AP3D1: variants seen among roughly 807,000 people sequenced by gnomAD.
AP3D1 encodes the protein AP-3 complex subunit delta-1.
A neutral mutation model predicts 147.6 loss-of-function variants in AP3D1; 51 were observed. The ratio of observed to expected loss-of-function variants is 0.35; its 90% confidence interval spans 0.28 to 0.44. AP3D1 has a LOEUF of 0.44. AP3D1 is among the 20% of genes least tolerant of loss of function. The pLI, the probability that AP3D1 is intolerant of heterozygous loss-of-function variation, is 1.00. For synonymous variants in AP3D1, 760 were observed against 663.0 expected, an observed-to-expected ratio of 1.15 and a Z score of -2.25; for missense variants, 1,421 against 1,624.2, an observed-to-expected ratio of 0.87 and a Z score of 2.15.
intron 1 of AP3D1, among the ~76,000 whole-genome samples, chr19:2,162,204 T>A (rs888938751): frequency 1.3e-5 from 2 of 150,472 alleles, no homozygotes; most frequent in African/African-American, 4.9e-5. Flanking sequence ...GCCCGGCTAA[T>A]TTTTTGTATT....
At chr19:2,131,737 CCCA>C (rs2018954555) in intron 5 of AP3D1, among the ~76,000 whole-genome samples, 1 of 126,788 alleles carries the variant, frequency 7.9e-6, no homozygotes, top group Non-Finnish European at 1.6e-5. Flanking sequence ...GGGGACCGCG[CCCA>C]TCGGCCACGA....
rs754831110 is a variant in AP3D1, at chr19:2,118,835, G to A, written c.1482-3C>T. ...TGTGGTGTGGTTCCTGCAGATGCCT[G>A]AGGACAGGAAACACTGTGAGCCCCC... On this transcript the variant is annotated splice_region_variant and splice_polypyrimidine_tract_variant and intron_variant, in intron 14 of 31. Coordinates refer to ENST00000643116, the MANE Select transcript of AP3D1 (RefSeq NM_001261826.3). 1.6e-5 allele frequency: 25 copies of A among 1,612,134 alleles called. No individual in the cohort carries two copies. The highest frequency in any genetic ancestry group is 1.6e-4 in the Middle Eastern group (1 of 6,082).
Position 2,102,321 on chromosome 19 carries a change from C to T in AP3D1, c.3553-53G>A, listed in dbSNP as rs375277002. 408 of 1,497,556 alleles carry T rather than the reference C, an allele frequency of 2.7e-4. 1 individual carries two copies. In the African/African-American group the frequency reaches 4.8e-3, roughly 18 times the overall value. 92.8% of individuals were successfully genotyped at this position (1,497,556 alleles called of 1,614,324 possible). On this transcript the variant is annotated intron_variant, in intron 31 of 31. Transcript: ENST00000643116. ...TAAAAGTGTGTGCAGGGGCTAGGCA[C>T]GGTGGCTCAAGTCTGTGATCCCAGC...
intron 1 of AP3D1, among the ~76,000 whole-genome samples, chr19:2,141,172 T>C (rs1053713186): frequency 7.9e-5 from 12 of 152,152 alleles, no homozygotes; most frequent in Admixed American, 2.0e-4. Flanking sequence ...CTATACATCA[T>C]TGACACTTTC....
intron 9 of AP3D1, among the ~76,000 whole-genome samples, chr19:2,125,721 G>C (rs2018735839): frequency 6.6e-6 from 1 of 152,118 alleles, no homozygotes; most frequent in South Asian, 2.1e-4. Flanking sequence ...CAGAAATGTA[G>C]GCCGGGCGCG....
chr19:2,129,536 G>A lies in AP3D1; in HGVS notation c.593-79C>T, dbSNP rs2018877050. 2.1e-5 allele frequency: 32 copies of A among 1,508,586 alleles called. No homozygotes were observed. The South Asian group carries it at 3.9e-4, about 18-fold the overall frequency. 93.5% of individuals were successfully genotyped at this position (1,508,586 alleles called of 1,614,324 possible). On this transcript the variant is annotated intron_variant, in intron 6 of 31. Transcript: ENST00000643116. ...TCCTACTGTCTTCCTGGCCCGCGAGGAAGTTCTGGGGCCTGCAGCAGCTCC... is the reference window on the plus strand; with the variant it reads ...TCCTACTGTCTTCCTGGCCCGCGAGAAAGTTCTGGGGCCTGCAGCAGCTCC...
upstream of AP3D1, among the ~76,000 whole-genome samples, chr19:2,153,386 G>T (rs1307940339): frequency 6.8e-6 from 1 of 147,724 alleles, no homozygotes; most frequent in Non-Finnish European, 1.5e-5. Flanking sequence ...AAAAGAAGTG[G>T]GGGGGGGGAC....
At chr19:2,110,631 G>A in intron 27 of AP3D1, 76 bp downstream of exon 27, 2 of 1,417,894 alleles carry the variant, frequency 1.4e-6, no homozygotes, top group Non-Finnish European at 1.9e-6. Context: ...ACAAGAACCA[G>A]CGGATCCGGG....
intron 14 of AP3D1, among the ~76,000 whole-genome samples, 190 bp downstream of exon 14, chr19:2,120,671 CT>C (rs761480548): frequency 5.9e-5 from 9 of 152,324 alleles, no homozygotes; most frequent in Non-Finnish European, 1.0e-4. Context: ...GCAGCACAGA[CT>C]CGCCTCTGTA....
chr19:2,111,663 C>G lies in AP3D1; in HGVS notation c.2937+16G>C. ...GGAACCCCGGCGTGGGGCGGGGGCG[C>G]TGAAGTACCCCTCACCGGGAGCTGC... On this transcript the variant is annotated intron_variant, in intron 25 of 31. Transcript: ENST00000643116. 6.3e-7 allele frequency: 1 copy of G among 1,575,268 alleles called. No individual in the cohort carries two copies. Among genetic ancestry groups the G allele is most frequent in the Non-Finnish European group, 8.6e-7 (1 of 1,164,570 alleles).
At chr19:2,112,718 C>T (rs1378659499) in intron 24 of AP3D1, 142 bp downstream of exon 24, 1 of 590,318 alleles carries the variant, frequency 1.7e-6, no homozygotes, top group African/African-American at 1.9e-5. Context: ...ACAACCACAA[C>T]AAAAGGCCCG....
intron 8 of AP3D1, among the ~76,000 whole-genome samples, chr19:2,128,631 G>A (rs28658190): frequency 3.7e-3 from 19 of 5,202 alleles, no homozygotes; most frequent in East Asian, 5.3e-3. Flanking sequence ...GCCCGCCCCC[G>A]CCGCTCCGAC....
intron 1 of AP3D1, among the ~76,000 whole-genome samples, chr19:2,145,772 C>T (rs2019340214): frequency 6.6e-6 from 1 of 152,204 alleles, no homozygotes; most frequent in African/African-American, 2.4e-5. Flanking sequence ...CACACACACA[C>T]CAAGCCTTCT....
chr19:2,109,323 G>C, intron 29 of AP3D1, 116 bp from the exon 30 acceptor site: 1 of 1,377,062 alleles, frequency 7.3e-7, no homozygotes, highest in South Asian at 1.5e-5. Context: ...CTGTGTGTCT[G>C]GGCCGGGAGG....
At position 2,108,833 on chromosome 19, in the gene AP3D1, G is replaced by A. The variant is rs765330856; in HGVS notation, c.3473-67C>T. 53 of 1,508,574 alleles carry A rather than the reference G, an allele frequency of 3.5e-5. No individual in the cohort carries two copies. In the Admixed American group the frequency reaches 1.0e-3, roughly 29 times the overall value. The allele number at this position is 1,508,574 out of a possible 1,614,324, so 93.4% of individuals were successfully genotyped here. A position where few individuals can be genotyped will look rare whatever the true frequency, so the allele number is the denominator to read the frequency against. On this transcript the variant is annotated intron_variant, in intron 30 of 31. Transcript: ENST00000643116. ...TGGCTGCAGCCCCACCCCCAGAGCAGGGGCCACCTTCTTGGGCTGCCCTTG... is the reference window on the plus strand; with the variant it reads ...TGGCTGCAGCCCCACCCCCAGAGCAAGGGCCACCTTCTTGGGCTGCCCTTG...
chr19:2,102,116 G>C lies in AP3D1; in HGVS notation c.*57C>G, dbSNP rs2017970353. On this transcript the variant is annotated 3_prime_UTR_variant, in exon 32 of 32. Transcript: ENST00000643116. ...GACTGAGGAGAGGCGAGACACGTCA[G>C]GGCTGCGGTCCCTGGGTACGTGCTC... is the stretch of plus-strand genomic sequence containing the variant. The C allele has an allele frequency of 1.4e-6, 2 of 1,413,084 alleles. No individual in the cohort carries two copies. The highest frequency in any genetic ancestry group is 2.3e-5 in the East Asian group (1 of 43,892). 87.5% of individuals were successfully genotyped at this position (1,413,084 alleles called of 1,614,324 possible).
rs573198538 is a variant in AP3D1, at chr19:2,138,682, G to C, written c.129C>G (p.Ile43Met). Residue 43 changes from isoleucine to methionine, a missense_variant, in exon 2 of 32, where the codon ATC (isoleucine) becomes ATG (methionine). Ile to Met is a conservative substitution (Grantham distance 10, BLOSUM62 1). Coordinates refer to ENST00000643116, the MANE Select transcript of AP3D1 (RefSeq NM_001261826.3). Reference protein sequence around the residue: ...AKYISQCIDEIKQELKQDNIA... With the variant: ...AKYISQCIDEMKQELKQDNIA... ...TGTTGTCCTGCTTCAGCTCCTGCTT[G>C]ATCTCATCAATGCACTGAGATATGT... The C allele has an allele frequency of 1.2e-6, 2 of 1,613,786 alleles. No individual in the cohort carries two copies. Among genetic ancestry groups the C allele is most frequent in the South Asian group, 1.1e-5 (1 of 91,078 alleles).
intron 14 of AP3D1, among the ~76,000 whole-genome samples, chr19:2,119,268 G>A (rs1441941993): frequency 6.6e-6 from 1 of 152,206 alleles, no homozygotes; most frequent in Non-Finnish European, 1.5e-5. Context: ...ATAAGAAAAT[G>A]ATAGAAGTGG....
At chr19:2,107,402 G>A (rs1298580802) in intron 31 of AP3D1, among the ~76,000 whole-genome samples, 3 of 152,028 alleles carry the variant, frequency 2.0e-5, no homozygotes, top group Non-Finnish European at 2.9e-5. Context: ...GCTCCCAGAG[G>A]GCACTGGAAC....
Sources: allele counts gnomAD v4.1 joint callset (sites outside exome capture counted in the v4.1 genomes callset), GRCh38; gene constraint gnomAD v4.1.1; transcripts MANE v1.5; gene names NCBI Gene and HGNC (gene_info 2026-07-23, HGNC 2026-07-21).